NPSR1: variants seen among roughly 807,000 people sequenced by gnomAD.
NPSR1 encodes neuropeptide S receptor.
NPSR1 carries 48 observed loss-of-function variants against 46.9 expected under a neutral mutation model. That is an observed-to-expected ratio of 1.02 (90% CI 0.81 to 1.30). NPSR1 has a LOEUF of 1.30. Ranked by LOEUF, NPSR1 falls within the 50% of genes most tolerant of loss-of-function variation. NPSR1 has a pLI of 0.00. For synonymous variants in NPSR1, 176 were observed against 168.1 expected (o/e 1.05, Z -0.36); for missense variants, 450 against 449.5 (o/e 1.00, Z -0.01).
At chr7:34,786,446 A>G (rs1443726963) in intron 3 of NPSR1, among the ~76,000 whole-genome samples, 2 of 152,088 alleles carry the variant, frequency 1.3e-5, no homozygotes, top group Non-Finnish European at 2.9e-5. Flanking sequence ...AAAGTCATTC[A>G]TAAGAGTTGG....
chr7:34,692,443 T>C (rs1793312159), intron 2 of NPSR1, among the ~76,000 whole-genome samples: 1 of 152,164 alleles, frequency 6.6e-6, no homozygotes, highest in Admixed American at 6.5e-5. Context: ...AATTTGCTCC[T>C]GAATGGCCTT....
At chr7:34,867,336 G>A (rs1295754260) in intron 8 of NPSR1, among the ~76,000 whole-genome samples, 1 of 151,862 alleles carries the variant, frequency 6.6e-6, no homozygotes, top group Non-Finnish European at 1.5e-5. Flanking sequence ...AGTCCCATGT[G>A]AGATAGGATA....
rs913482087 is a variant in NPSR1, at chr7:34,790,883, A to G, written c.384+12318A>G. ...TGTTATATATGTTATATGTTATATT[A>G]TATATCATATATGTTATATGTTATA... On this transcript the variant is annotated intron_variant, in intron 3 of 8. Coordinates refer to ENST00000360581, the MANE Select transcript of NPSR1 (RefSeq NM_207172.2). 7.2e-5 allele frequency among the ~76,000 whole-genome samples: 9 copies of G among 125,090 alleles called. 1 individual carries two copies. In the East Asian group the frequency reaches 2.0e-3, roughly 27 times the overall value. 82.1% of individuals were successfully genotyped at this position (125,090 alleles called of 152,430 possible).
intron 6 of NPSR1, among the ~76,000 whole-genome samples, chr7:34,838,877 C>T (rs1205629095): frequency 6.6e-6 from 1 of 152,162 alleles, no homozygotes; most frequent in Non-Finnish European, 1.5e-5. Flanking sequence ...AGAACATTTA[C>T]TGCATGGGCA....
intron 7 of NPSR1, among the ~76,000 whole-genome samples, chr7:34,847,900 A>G (rs1338513340): frequency 1.3e-5 from 2 of 152,194 alleles, no homozygotes; most frequent in African/African-American, 4.8e-5. Context: ...ATTTGGGGCC[A>G]AATAAACTGG....
chr7:34,697,028 G>T (rs1793565506), intron 2 of NPSR1, among the ~76,000 whole-genome samples: 1 of 151,928 alleles, frequency 6.6e-6, no homozygotes, highest in African/African-American at 2.4e-5. Context: ...TAACATGTCT[G>T]GGATTTACTT....
At chr7:34,736,169 G>C (rs1662140009) in intron 2 of NPSR1, among the ~76,000 whole-genome samples, 1 of 152,030 alleles carries the variant, frequency 6.6e-6, no homozygotes. Context: ...TCTTCATCTT[G>C]GTTAAGCTGT....
intron 6 of NPSR1, among the ~76,000 whole-genome samples, chr7:34,841,751 C>T (rs1172491138): frequency 6.6e-6 from 1 of 152,170 alleles, no homozygotes; most frequent in African/African-American, 2.4e-5. Flanking sequence ...GTGGGAAGCA[C>T]TGCGGGTTTC....
chr7:34,761,327 T>C (rs1562709051), intron 2 of NPSR1: 1 of 152,190 alleles, frequency 6.6e-6, no homozygotes, highest in Non-Finnish European at 1.5e-5. Flanking sequence ...TCTTCTACTA[T>C]AACTTAGTCA....
rs374934880 is a variant in NPSR1, at chr7:34,856,851, G to A, written c.1025+8188G>A. ...TGATTGAGAGGCAGGAGGAGGGAGA[G>A]GAGAAACAATTGTTCTCCCTGGTAA... On this transcript the variant is annotated intron_variant, in intron 8 of 8. Transcript: ENST00000359791. Among the ~76,000 whole-genome samples the A allele has an allele frequency of 8.6e-5, 13 of 151,602 alleles. No homozygotes were observed. In the South Asian group the frequency reaches 2.7e-3, roughly 31 times the overall value.
chr7:34,727,548 C>T (rs1260789457), intron 2 of NPSR1, among the ~76,000 whole-genome samples: 1 of 152,198 alleles, frequency 6.6e-6, no homozygotes. Flanking sequence ...GTTCATGTAG[C>T]AACCACCACA....
At chr7:34,856,659 T>C (rs1384381308) in intron 8 of NPSR1, among the ~76,000 whole-genome samples, 1 of 151,722 alleles carries the variant, frequency 6.6e-6, no homozygotes, top group Non-Finnish European at 1.5e-5. Context: ...TCTGTTGGAC[T>C]CACAGAGCAG....
chr7:34,696,775 T>C lies in NPSR1; in HGVS notation c.280+12091T>C, dbSNP rs868616786. ...CCAGACTGGATAGAAACAACACTTA[T>C]AGTGGCCAATAATTTTCCCAAACTC... is the stretch of plus-strand genomic sequence containing the variant. On this transcript the variant is annotated intron_variant, in intron 2 of 8. Transcript: ENST00000360581. 2.7e-5 allele frequency among the ~76,000 whole-genome samples: 3 copies of C among 109,288 alleles called. No homozygotes were observed. In the South Asian group the frequency reaches 9.0e-4, roughly 33 times the overall value. The allele number at this position is 109,288 out of a possible 152,430, so 71.7% of individuals were successfully genotyped here. A position where few individuals can be genotyped will look rare whatever the true frequency, so the allele number is the denominator to read the frequency against.
chr7:34,847,087 G>A (rs1456947519), intron 7 of NPSR1, among the ~76,000 whole-genome samples: 1 of 152,172 alleles, frequency 6.6e-6, no homozygotes, highest in East Asian at 1.9e-4. Flanking sequence ...CACTTAGTGG[G>A]TTTTGTGTTT....
intron 1 of NPSR1, among the ~76,000 whole-genome samples, chr7:34,673,086 G>A (rs1247533667): frequency 6.6e-6 from 1 of 152,108 alleles, no homozygotes; most frequent in Non-Finnish European, 1.5e-5. Context: ...CATTGTTTCA[G>A]ACTCAGCTCA....
intron 2 of NPSR1, among the ~76,000 whole-genome samples, chr7:34,765,151 C>A (rs929957033): frequency 6.6e-6 from 1 of 152,160 alleles, no homozygotes; most frequent in Non-Finnish European, 1.5e-5. Context: ...TTTAATACCC[C>A]ACTCTAACAA....
At chr7:34,830,617 A>G (rs116365685) in intron 5 of NPSR1, among the ~76,000 whole-genome samples, 499 of 152,022 alleles carry the variant, frequency 3.3e-3, no homozygotes, top group African/African-American at 0.012. Flanking sequence ...ATTTCTCCTA[A>G]TTTGTCATTT....
rs560359436 is a variant in NPSR1 at position 34,860,669 on chromosome 7, A to T, written c.1025+12006A>T. ...TATGTGGTCAGAAAAAAAGTATTTT[A>T]ATCTGCCTCTGCACTTAATCTGTTG... On this transcript the variant is annotated intron_variant, in intron 8 of 8. Coordinates refer to the NPSR1 transcript ENST00000359791. Among the ~76,000 whole-genome samples the T allele has an allele frequency of 2.6e-5, 4 of 152,068 alleles. No homozygotes were observed. The South Asian group carries it at 8.3e-4, about 31-fold the overall frequency.
chr7:34,873,112 C>G (rs933572517), intron 8 of NPSR1, among the ~76,000 whole-genome samples: 1 of 151,792 alleles, frequency 6.6e-6, no homozygotes, highest in Non-Finnish European at 1.5e-5. Flanking sequence ...TTCATTAAAG[C>G]ATAACATGGG....
Sources: gnomAD v4.1 joint callset for allele counts (sites outside exome capture counted in the v4.1 genomes callset) on GRCh38, gnomAD v4.1.1 for gene constraint, MANE v1.5 for transcripts, NCBI Gene and HGNC (gene_info 2026-07-23, HGNC 2026-07-21) for gene names.